ATP6V1G3: variants seen among roughly 807,000 people sequenced by gnomAD.
The protein encoded by ATP6V1G3 is ATPase H+ transporting V1 subunit G3, also known as V-type proton ATPase subunit G 3.
A neutral mutation model predicts 9.3 loss-of-function variants in ATP6V1G3; 9 were observed. The ratio of observed to expected loss-of-function variants is 0.97; its 90% CI spans 0.59 to 1.69. The LOEUF (loss-of-function observed/expected upper bound fraction) is 1.69, where lower values mean the gene tolerates loss of function less well. Among genes scored for constraint, ATP6V1G3 ranks in the 40% most tolerant of loss-of-function variants. The pLI, the probability that ATP6V1G3 is intolerant of heterozygous loss-of-function variation, is 0.00. For missense variants in ATP6V1G3, 133 were observed against 139.0 expected (o/e 0.96, Z 0.22); for synonymous variants, 43 against 43.8 (o/e 0.98, Z 0.07).
chr1:198,528,698 A>G (rs1442424900), intron 2 of ATP6V1G3, among the ~76,000 whole-genome samples: 3 of 152,116 alleles, frequency 2.0e-5, no homozygotes, highest in Non-Finnish European at 4.4e-5. Flanking sequence ...TTAGTTATTT[A>G]TGTAACTAAC....
chr1:198,529,210 AT>A, intron 1 of ATP6V1G3, 29 bp from the exon 2 acceptor site: 1 of 431,724 alleles, frequency 2.3e-6, no homozygotes. Flanking sequence ...ATATATATAT[AT>A]ATATAATTAT....
At chr1:198,535,389 A>C (rs1331261073) in intron 1 of ATP6V1G3, among the ~76,000 whole-genome samples, 1 of 152,186 alleles carries the variant, frequency 6.6e-6, no homozygotes, top group Non-Finnish European at 1.5e-5. Context: ...AATAATTCAG[A>C]ATATATGCAT....
intron 1 of ATP6V1G3, among the ~76,000 whole-genome samples, chr1:198,539,884 C>G (rs945689193): frequency 1.3e-5 from 2 of 152,142 alleles, no homozygotes; most frequent in East Asian, 3.8e-4. Context: ...TGTTGAAGTT[C>G]ATTGAGGACA....
chr1:198,538,547 C>T (rs1290555749), intron 1 of ATP6V1G3, among the ~76,000 whole-genome samples: 3 of 152,066 alleles, frequency 2.0e-5, no homozygotes, highest in African/African-American at 7.2e-5. Context: ...GCAAAGGCAA[C>T]ATAACTATCA....
intron 1 of ATP6V1G3, among the ~76,000 whole-genome samples, chr1:198,539,364 T>G (rs1660256054): frequency 6.6e-6 from 1 of 152,196 alleles, no homozygotes; most frequent in Admixed American, 6.5e-5. Flanking sequence ...ATAAGTAACA[T>G]TTTGAAAATA....
chr1:198,531,672 A>C (rs1005564901), intron 1 of ATP6V1G3, among the ~76,000 whole-genome samples: 2 of 152,098 alleles, frequency 1.3e-5, no homozygotes, highest in African/African-American at 4.8e-5. Flanking sequence ...TGGATTGCTA[A>C]ATTTGTTCTA....
intron 2 of ATP6V1G3, 37 bp downstream of exon 2, chr1:198,529,044 A>G (rs1182633956): frequency 1.0e-6 from 1 of 982,930 alleles, no homozygotes; most frequent in East Asian, 2.9e-5. Context: ...GATCTTATCT[A>G]TTCTGCATAA....
chr1:198,540,852 A>G, upstream of ATP6V1G3: 1 of 597,578 alleles, frequency 1.7e-6, no homozygotes. Flanking sequence ...AGTTAAACCA[A>G]TGTGCATAAA....
chr1:198,529,284 T>TTA, intron 1 of ATP6V1G3, 103 bp from the exon 2 acceptor site: 2 of 258,724 alleles, frequency 7.7e-6, no homozygotes, highest in Non-Finnish European at 1.3e-5. Context: ...TTAACAACTG[T>TTA]ACATATATGT....
At chr1:198,532,720 G>A (rs1659953122) in intron 1 of ATP6V1G3, among the ~76,000 whole-genome samples, 1 of 152,104 alleles carries the variant, frequency 6.6e-6, no homozygotes, top group Admixed American at 6.6e-5. Context: ...ATCTGAAGGG[G>A]GAGAGTCTTC....
chr1:198,531,287 G>A (rs1453575181), intron 1 of ATP6V1G3, among the ~76,000 whole-genome samples: 15 of 152,148 alleles, frequency 9.9e-5, no homozygotes, highest in African/African-American at 1.7e-4. Context: ...AAAAACTGGA[G>A]CCTAAAGCCT....
At chr1:198,524,401 G>T (rs747810059) in intron 2 of ATP6V1G3, among the ~76,000 whole-genome samples, 1 of 152,158 alleles carries the variant, frequency 6.6e-6, no homozygotes, top group Non-Finnish European at 1.5e-5. Flanking sequence ...GGGATTACAA[G>T]TGTGAGTCAC....
At chr1:198,536,924 G>A (rs187245150) in intron 1 of ATP6V1G3, among the ~76,000 whole-genome samples, 46 of 152,210 alleles carry the variant, frequency 3.0e-4, no homozygotes, top group African/African-American at 9.6e-4. Flanking sequence ...GTGTGTGTGC[G>A]TGTATTATAA....
At chr1:198,538,635 T>C (rs1660214152) in intron 1 of ATP6V1G3, among the ~76,000 whole-genome samples, 1 of 152,140 alleles carries the variant, frequency 6.6e-6, no homozygotes, top group Non-Finnish European at 1.5e-5. Flanking sequence ...CCTGGCACAG[T>C]AGCTCACTCC....
Position 198,523,518 on chromosome 1 carries a change from G to A in ATP6V1G3, c.230C>T (p.Thr77Ile), listed in dbSNP as rs1302079609. 6.2e-7 allele frequency: 1 copy of A among 1,613,362 alleles called. No individual in the cohort carries two copies. ...ATTAAGTTCTTGTATCTTCCCTAGT[G>A]TTTGTTCTTCTATTTCATCTGAGAG... ...NNLSDEIEEQ[T>I]LGKIQELNGH... The change falls in exon 3 of 3, where the codon ACA (threonine) becomes ATA (isoleucine). Residue 77 changes from threonine (T) to isoleucine (I), a missense_variant. Thr to Ile is a moderately conservative substitution (Grantham distance 89, BLOSUM62 -1). Transcript: ENST00000367382.
At chr1:198,527,416 A>G (rs1659700090) in intron 2 of ATP6V1G3, among the ~76,000 whole-genome samples, 1 of 152,166 alleles carries the variant, frequency 6.6e-6, no homozygotes, top group Non-Finnish European at 1.5e-5. Flanking sequence ...AACAAGATAT[A>G]TATATCTGAT....
At chr1:198,537,896 A>G (rs554013922) in intron 1 of ATP6V1G3, among the ~76,000 whole-genome samples, 23 of 152,350 alleles carry the variant, frequency 1.5e-4, no homozygotes, top group Admixed American at 2.6e-4. Flanking sequence ...CTGGTATATA[A>G]GGTAATATTT....
In ATP6V1G3 at chr1:198,525,190, C is replaced by T. The variant is rs1355669495; in HGVS notation, c.184-1626G>A. Among the ~76,000 whole-genome samples, 3 of 152,130 alleles carry T rather than the reference C, an allele frequency of 2.0e-5. No homozygotes were observed. The South Asian group carries it at 6.2e-4, about 31-fold the overall frequency. On this transcript the variant is annotated intron_variant, in intron 2 of 2. Transcript: ENST00000367382. Reference sequence around the variant, plus strand: ...AGAAGAGAACTACTTATTAAAATGGCTCTACCAAGCTCAAAATTTTTCCTC... The same window carrying T: ...AGAAGAGAACTACTTATTAAAATGGTTCTACCAAGCTCAAAATTTTTCCTC...
In ATP6V1G3 at chr1:198,529,191, AACAAAT is replaced by A; in HGVS notation, c.83-16_83-11del. 1 of 785,602 alleles carries A rather than the reference AACAAAT, an allele frequency of 1.3e-6. No homozygotes were observed. The highest frequency in any genetic ancestry group is 1.8e-6 in the Non-Finnish European group (1 of 554,702). The allele number at this position is 785,602 out of a possible 1,614,324, so 48.7% of individuals were successfully genotyped here. A position where few individuals can be genotyped will look rare whatever the true frequency, so the allele number is the denominator to read the frequency against. On this transcript the variant is annotated splice_polypyrimidine_tract_variant and intron_variant, in intron 1 of 2. Coordinates refer to ENST00000367382, the MANE Select transcript of ATP6V1G3 (RefSeq NM_001376861.1). Reference sequence around the variant, plus strand: ...AATCGCTTTCCTTTTCCTGAAAATTAACAAATATATATATATATATATATAATTATA... The same window carrying A: ...AATCGCTTTCCTTTTCCTGAAAATTAATATATATATATATATATAATTATA...
Sources: gnomAD v4.1 joint callset for allele counts (sites outside exome capture counted in the v4.1 genomes callset) on GRCh38, gnomAD v4.1.1 for gene constraint, MANE v1.5 for transcripts, NCBI Gene and HGNC (gene_info 2026-07-23, HGNC 2026-07-21) for gene names.